WTIP: variants seen among roughly 807,000 people sequenced by gnomAD.
The protein encoded by WTIP is Wilms tumor protein 1-interacting protein.
WTIP carries 23 observed loss-of-function variants against 41.7 expected under a neutral mutation model. That is an observed-to-expected ratio of 0.55 (90% confidence interval 0.40 to 0.78). The LOEUF (loss-of-function observed/expected upper bound fraction) is 0.78. Ranked by LOEUF, WTIP falls within the 30% of genes least tolerant of loss-of-function variation. WTIP has a pLI of 0.00. For synonymous variants in WTIP, 314 were observed against 269.9 expected (o/e 1.16, Z -1.60); for missense variants, 619 against 610.5 (o/e 1.01, Z -0.15).
At position 34,486,689 on chromosome 19, in the gene WTIP, T is replaced by A. The variant is rs922463380; in HGVS notation, c.668-3687T>A. Among the ~76,000 whole-genome samples the A allele has an allele frequency of 4.6e-5, 7 of 152,104 alleles. No homozygotes were observed. In the East Asian group the frequency reaches 7.8e-4, roughly 17 times the overall value. ...CCGCCTTTGTCAGTTTCCTCTCTTATTCTCTCAACAACCTTCCTCCCTCCT... is the reference window on the plus strand; with the variant it reads ...CCGCCTTTGTCAGTTTCCTCTCTTAATCTCTCAACAACCTTCCTCCCTCCT... On this transcript the variant is annotated intron_variant, in intron 1 of 7. Coordinates refer to ENST00000590071, the MANE Select transcript of WTIP (RefSeq NM_001080436.2).
rs764782508 is a variant in WTIP at position 34,493,072 on chromosome 19, G to A, written c.805G>A (p.Gly269Ser). 1.9e-6 allele frequency: 3 copies of A among 1,613,904 alleles called. No individual in the cohort carries two copies. Among genetic ancestry groups the A allele is most frequent in the Non-Finnish European group, 2.5e-6 (3 of 1,179,866 alleles). Residue 269 changes from glycine (G) to serine (S), a missense_variant, in exon 3 of 8, where the codon GGT becomes AGT. This residue lies in a region of WTIP where 164 missense variants were observed against 219.1 expected (regional missense o/e 0.75). Transcript: ENST00000590071. The surrounding 1 kb of genome is among the most constrained non-coding windows in gnomAD (Gnocchi z 4.1). ...RLRGKAFYNV[G>S]EKVYCQEDFL... ...CCGTGGGAAGGCGTTCTACAACGTG[G>A]GTGAGAAAGTGTACTGCCAGGAGGA...
Position 34,500,208 on chromosome 19 carries a change from A to G in WTIP, c.1232A>G (p.His411Arg), listed in dbSNP as rs1419656286. ...LAGHLLCRRC[H>R]LRRLQPGPLP... ...GGCCACCTACTGTGTCGTCGTTGCC[A>G]CCTGCGGCGCCTCCAACCTGGGCCT... Residue 411 changes from histidine (H) to arginine (R), a missense_variant, in exon 8 of 8, where the codon CAC becomes CGC. Around this residue, in one of 3 missense-constraint regions of WTIP, gnomAD observed 92 missense variants for 82.4 expected, o/e 1.12. Coordinates refer to ENST00000590071, the MANE Select transcript of WTIP (RefSeq NM_001080436.2). 6.2e-7 allele frequency: 1 copy of G among 1,606,048 alleles called. No homozygotes were observed.
At position 34,508,688 on chromosome 19, in the gene WTIP, C is replaced by T. The variant is rs1029433510; in HGVS notation, c.*8419C>T. On this transcript the variant is annotated 3_prime_UTR_variant, in exon 8 of 8. Transcript: ENST00000590071. ...CTGTGTCCCTCCGCTCCCGCCAGGC[C>T]TCTCCCCCTGCCTTCTGGGACTGGA... is the stretch of plus-strand genomic sequence containing the variant. 1 of 152,408 alleles carries T rather than the reference C, an allele frequency of 6.6e-6. No homozygotes were observed. The highest frequency in any genetic ancestry group is 2.4e-5 in the African/African-American group (1 of 41,448). 9.4% of individuals were successfully genotyped at this position (152,408 alleles called of 1,614,324 possible).
Position 34,503,278 on chromosome 19 carries a change from G to T in WTIP, c.*3009G>T, listed in dbSNP as rs910876529. 6.6e-6 allele frequency: 1 copy of T among 152,216 alleles called. No homozygotes were observed. Among genetic ancestry groups the T allele is most frequent in the African/African-American group, 2.4e-5 (1 of 41,454 alleles). 9.4% of individuals were successfully genotyped at this position (152,216 alleles called of 1,614,324 possible). On this transcript the variant is annotated 3_prime_UTR_variant, in exon 8 of 8. Transcript: ENST00000590071. ...CCACTGCTCCACCTCCTCCCCCGGA[G>T]CTGTGCATGGCAGTTCCCTCCGTGG...
rs1462388433 is a variant in WTIP at position 34,506,881 on chromosome 19, G to A, written c.*6612G>A. The A allele has an allele frequency of 2.0e-5, 3 of 152,112 alleles. No homozygotes were observed. Among genetic ancestry groups the A allele is most frequent in the Admixed American group, 6.6e-5 (1 of 15,260 alleles). 9.4% of individuals were successfully genotyped at this position (152,112 alleles called of 1,614,324 possible). On this transcript the variant is annotated 3_prime_UTR_variant, in exon 8 of 8. Coordinates refer to ENST00000590071, the MANE Select transcript of WTIP (RefSeq NM_001080436.2). The stretch of plus-strand genomic sequence containing the variant: ...GAAAACTACTTTTTTGGTTTGGTTT[G>A]AAGGTAAGAAAGAGCGGGAGAAACT...
chr19:34,497,109 C>T (rs2075858549), intron 7 of WTIP, among the ~76,000 whole-genome samples: 2 of 151,968 alleles, frequency 1.3e-5, no homozygotes, highest in East Asian at 1.9e-4. Context: ...GTGATCCACC[C>T]GCCTTGGCCT....
At chr19:34,496,016 G>C (rs919846199) in intron 7 of WTIP, among the ~76,000 whole-genome samples, 3 of 152,154 alleles carry the variant, frequency 2.0e-5, no homozygotes, top group African/African-American at 7.2e-5. Flanking sequence ...AATTAGCCAG[G>C]CGTGGTGGCG....
At chr19:34,495,813 T>A (rs370214977) in intron 7 of WTIP, 42 bp downstream of exon 7, 7 of 1,600,106 alleles carry the variant, frequency 4.4e-6, no homozygotes, top group Middle Eastern at 1.7e-4. Flanking sequence ...GGGGCAGGCC[T>A]CCTCCCACAG....
intron 2 of WTIP, 69 bp downstream of exon 2, chr19:34,490,546 C>T (rs2145598978): frequency 1.4e-6 from 2 of 1,473,654 alleles, no homozygotes; most frequent in East Asian, 4.6e-5. Context: ...TCCCCTCAAA[C>T]TGCCTTGCCC....
rs1395980568 is a variant in WTIP at position 34,506,806 on chromosome 19, A to G, written c.*6537A>G. On this transcript the variant is annotated 3_prime_UTR_variant, in exon 8 of 8. Coordinates refer to ENST00000590071, the MANE Select transcript of WTIP (RefSeq NM_001080436.2). ...TAAATAAATAAATAAATGAATATAAATAAAACTGGTTAAAAATTGAGTCTC... is the reference window on the plus strand; with the variant it reads ...TAAATAAATAAATAAATGAATATAAGTAAAACTGGTTAAAAATTGAGTCTC... The G allele has an allele frequency of 6.6e-6, 1 of 151,900 alleles. No individual in the cohort carries two copies. Among genetic ancestry groups the G allele is most frequent in the East Asian group, 1.9e-4 (1 of 5,190 alleles). The allele number at this position is 151,900 out of a possible 1,614,324, so 9.4% of individuals were successfully genotyped here.
chr19:34,496,039 C>T (rs968593549), intron 7 of WTIP, among the ~76,000 whole-genome samples: 11 of 152,156 alleles, frequency 7.2e-5, no homozygotes, highest in African/African-American at 2.7e-4. Context: ...CACCTGTAGT[C>T]CCAGCTACTC....
intron 6 of WTIP, 94 bp from the exon 7 acceptor site, chr19:34,495,609 G>T: frequency 6.9e-7 from 1 of 1,454,066 alleles, no homozygotes; most frequent in East Asian, 2.4e-5. Flanking sequence ...CACCTCCGCC[G>T]GGACAGGAGC....
rs2075833517 is a variant in WTIP, at chr19:34,493,033, G to T, written c.770-4G>T. On this transcript the variant is annotated splice_polypyrimidine_tract_variant and splice_region_variant and intron_variant, in intron 2 of 7. Coordinates refer to ENST00000590071, the MANE Select transcript of WTIP (RefSeq NM_001080436.2). This position sits in a 1 kb window ranked among gnomAD's most constrained non-coding sequence, Gnocchi z 4.1. The stretch of plus-strand genomic sequence containing the variant: ...GGGACCCCTCTCAACCCTCACCCTT[G>T]CAGGGAGACGACTCCGTGGGAAGGC... 7.4e-6 allele frequency: 12 copies of T among 1,613,882 alleles called. No homozygotes were observed. The highest frequency in any genetic ancestry group is 9.3e-6 in the Non-Finnish European group (11 of 1,179,856).
At position 34,503,596 on chromosome 19, in the gene WTIP, C is replaced by T. The variant is rs373862120; in HGVS notation, c.*3327C>T. The T allele has an allele frequency of 5.2e-5, 8 of 153,168 alleles. No individual in the cohort carries two copies. Among genetic ancestry groups the T allele is most frequent in the African/African-American group, 1.4e-4 (6 of 41,600 alleles). The allele number at this position is 153,168 out of a possible 1,614,324, so 9.5% of individuals were successfully genotyped here. A position where few individuals can be genotyped will look rare whatever the true frequency, so the allele number is the denominator to read the frequency against. On this transcript the variant is annotated 3_prime_UTR_variant, in exon 8 of 8. Coordinates refer to ENST00000590071, the MANE Select transcript of WTIP (RefSeq NM_001080436.2). ...GGGACCCCCACTGATGTGGTCTCTGCTGACACCTGTGCCTGTGCCTGGGGT... is the reference window on the plus strand; with the variant it reads ...GGGACCCCCACTGATGTGGTCTCTGTTGACACCTGTGCCTGTGCCTGGGGT...
chr19:34,505,040 T>TGCCCCCACCCC lies in WTIP; in HGVS notation c.*4779_*4789dup, dbSNP rs2075905509. On this transcript the variant is annotated 3_prime_UTR_variant, in exon 8 of 8. Coordinates refer to ENST00000590071, the MANE Select transcript of WTIP (RefSeq NM_001080436.2). ...CCACCCAGCCCAGCTCTGGAGGCTTTGCCCCCACCCCGCCCCCATGGTAGG... is the reference window on the plus strand; with the variant it reads ...CCACCCAGCCCAGCTCTGGAGGCTTTGCCCCCACCCCGCCCCCACCCCGCCCCCATGGTAGG... 1 of 152,572 alleles carries TGCCCCCACCCC rather than the reference T, an allele frequency of 6.6e-6. No homozygotes were observed. Among genetic ancestry groups the TGCCCCCACCCC allele is most frequent in the South Asian group, 2.1e-4 (1 of 4,838 alleles). 9.5% of individuals were successfully genotyped at this position (152,572 alleles called of 1,614,324 possible). A position where few individuals can be genotyped will look rare whatever the true frequency, so the allele number is the denominator to read the frequency against.
chr19:34,498,793 G>A (rs981501418), intron 7 of WTIP, among the ~76,000 whole-genome samples: 42 of 152,088 alleles, frequency 2.8e-4, no homozygotes, highest in African/African-American at 2.2e-4. Flanking sequence ...CCAGCTACTC[G>A]GGAGGCTGAG....
At position 34,508,870 on chromosome 19, in the gene WTIP, C is replaced by G. The variant is rs1344366286; in HGVS notation, c.*8601C>G. On this transcript the variant is annotated 3_prime_UTR_variant, in exon 8 of 8. Coordinates refer to ENST00000590071, the MANE Select transcript of WTIP (RefSeq NM_001080436.2). ...GTATAAACATTTTCTGTGCAAGGAC[C>G]TTGCCCTCCTTTTCAAAAAAGTAAG... The G allele has an allele frequency of 6.6e-6, 1 of 152,352 alleles. No individual in the cohort carries two copies. The highest frequency in any genetic ancestry group is 1.9e-4 in the East Asian group (1 of 5,186). The allele number at this position is 152,352 out of a possible 1,614,324, so 9.4% of individuals were successfully genotyped here.
chr19:34,496,669 G>A (rs1480585389), intron 7 of WTIP, among the ~76,000 whole-genome samples: 4 of 151,612 alleles, frequency 2.6e-5, no homozygotes, highest in African/African-American at 9.7e-5. Context: ...TCTGGATGTG[G>A]GGGGTTGGGG....
At chr19:34,486,220 G>A (rs961121459) in intron 1 of WTIP, among the ~76,000 whole-genome samples, 2 of 151,946 alleles carry the variant, frequency 1.3e-5, no homozygotes, top group Admixed American at 6.6e-5. Context: ...GCAGAACCCC[G>A]ACTCTGAGCC....
Sources: allele counts gnomAD v4.1 joint callset (sites outside exome capture counted in the v4.1 genomes callset), GRCh38; gene constraint gnomAD v4.1.1; regional missense constraint gnomAD v4.1.1; non-coding constraint Gnocchi (gnomAD v3.1); transcripts MANE v1.5; gene names NCBI Gene and HGNC (gene_info 2026-07-23, HGNC 2026-07-21).